Variants in LRRC37A2 observed in about 807,000 individuals in gnomAD.
The protein encoded by LRRC37A2 is leucine rich repeat containing 37 member A2, also known as leucine-rich repeat-containing protein 37A2.
LRRC37A2 carries 9 observed loss-of-function variants against 68.8 expected under a neutral mutation model. That is an observed-to-expected ratio of 0.13 (90% CI 0.08 to 0.23). LRRC37A2 has a LOEUF of 0.23. Ranked by LOEUF, LRRC37A2 falls within the 10% of genes least tolerant of loss-of-function variation. LRRC37A2 has a pLI of 1.00. For synonymous variants in LRRC37A2, 63 were observed against 367.6 expected (o/e 0.17, Z 9.48); for missense variants, 168 against 950.4 (o/e 0.18, Z 10.82).
chr17:46,778,165 C>T, the LRRC37A2 span, among the ~76,000 whole-genome samples: 3 of 152,170 alleles, frequency 2.0e-5, no homozygotes, highest in Admixed American at 2.0e-4. Context: ...TGCCTTGTCA[C>T]CAACCTCATT....
chr17:47,038,556 T>C, the LRRC37A2 span, among the ~76,000 whole-genome samples: 1 of 150,718 alleles, frequency 6.6e-6, no homozygotes, highest in East Asian at 1.9e-4. Flanking sequence ...TTTGTTTCAA[T>C]GGTATACAAA....
At chr17:46,960,715 A>T in the LRRC37A2 span, among the ~76,000 whole-genome samples, 2 of 152,250 alleles carry the variant, frequency 1.3e-5, no homozygotes, top group Non-Finnish European at 2.9e-5. Flanking sequence ...GTGTGAAACG[A>T]TATGGATGCA....
chr17:46,930,769 C>G, the LRRC37A2 span: 29 of 233,172 alleles, frequency 1.2e-4, no homozygotes, highest in Non-Finnish European at 2.0e-4. Flanking sequence ...AGACCTATAT[C>G]AGAAAATTTA....
At chr17:46,900,099 T>A in the LRRC37A2 span, among the ~76,000 whole-genome samples, 1 of 148,450 alleles carries the variant, frequency 6.7e-6, no homozygotes, top group Non-Finnish European at 1.5e-5. Context: ...TACTGTTAGA[T>A]GTAGTAGGAA....
chr17:46,879,656 G>C, the LRRC37A2 span, among the ~76,000 whole-genome samples: 5 of 152,236 alleles, frequency 3.3e-5, no homozygotes, highest in African/African-American at 1.2e-4. Flanking sequence ...TCACACCTAA[G>C]AGACTTGTTC....
At chr17:46,917,593 T>C in the LRRC37A2 span, among the ~76,000 whole-genome samples, 1 of 152,204 alleles carries the variant, frequency 6.6e-6, no homozygotes, top group East Asian at 1.9e-4. Context: ...AGGCTGGAGT[T>C]GCATACTGGT....
At chr17:46,870,070 C>A in the LRRC37A2 span, among the ~76,000 whole-genome samples, 2,197 of 152,160 alleles carry the variant, frequency 0.014, 60 homozygotes, top group African/African-American at 0.05. Context: ...ATAATCATAG[C>A]TATTATTCTT....
chr17:46,851,653 C>CGCGCTG, the LRRC37A2 span: 1 of 1,284,382 alleles, frequency 7.8e-7, no homozygotes, highest in East Asian at 3.2e-5. The surrounding 1 kb of genome is among the most constrained non-coding windows in gnomAD (Gnocchi z 4.3). Context: ...GCCCCCCGCC[C>CGCGCTG]GCGCTGGCCC....
chr17:46,942,016 TCCTA>T, the LRRC37A2 span: 1 of 934,690 alleles, frequency 1.1e-6, no homozygotes, highest in Non-Finnish European at 1.3e-6. Context: ...ACTGTTTATA[TCCTA>T]CCTTAGTCCA....
chr17:46,819,607 T>A, the LRRC37A2 span, among the ~76,000 whole-genome samples: 1 of 152,130 alleles, frequency 6.6e-6, no homozygotes, highest in Non-Finnish European at 1.5e-5. The surrounding 1 kb of genome is among the most constrained non-coding windows in gnomAD (Gnocchi z 5.3). Flanking sequence ...TTGGAAGACC[T>A]TGCTGCCCTC....
the LRRC37A2 span, among the ~76,000 whole-genome samples, chr17:46,958,769 A>T: frequency 6.6e-6 from 1 of 152,244 alleles, no homozygotes; most frequent in Admixed American, 6.5e-5. Context: ...GGGACATTTA[A>T]GTCTGCCTGA....
At chr17:46,974,987 CTTT>C in the LRRC37A2 span, among the ~76,000 whole-genome samples, 13 of 119,058 alleles carry the variant, frequency 1.1e-4, no homozygotes, top group Admixed American at 9.8e-4. Context: ...TTACTATTTT[CTTT>C]TTTTTTTTTT....
the LRRC37A2 span, among the ~76,000 whole-genome samples, chr17:46,772,545 C>T: frequency 6.6e-6 from 1 of 152,232 alleles, no homozygotes; most frequent in Non-Finnish European, 1.5e-5. Context: ...TGCAAACCGC[C>T]GCCACTTGGC....
the LRRC37A2 span, among the ~76,000 whole-genome samples, chr17:46,736,498 T>C: frequency 1.3e-5 from 2 of 152,352 alleles, no homozygotes; most frequent in Admixed American, 6.5e-5. Flanking sequence ...CTCCCTCTAC[T>C]CCTTACCCTG....
At chr17:47,024,576 G>C in the LRRC37A2 span, 3 of 811,168 alleles carry the variant, frequency 3.7e-6, no homozygotes, top group Admixed American at 5.1e-5. Context: ...CCACCATCTT[G>C]AAGTGACCAT....
chr17:46,902,579 C>T, the LRRC37A2 span, among the ~76,000 whole-genome samples: 1 of 151,520 alleles, frequency 6.6e-6, no homozygotes, highest in African/African-American at 2.4e-5. Flanking sequence ...AGTTTGTGGC[C>T]AAGCAGTCAG....
At chr17:46,497,583 TATA>T in the LRRC37A2 span, among the ~76,000 whole-genome samples, 3 of 150,126 alleles carry the variant, frequency 2.0e-5, no homozygotes, top group Non-Finnish European at 4.4e-5. Context: ...AGCCCCCCCT[TATA>T]ATTGTATATA....
At chr17:47,022,008 A>T in the LRRC37A2 span, 1 of 1,231,196 alleles carries the variant, frequency 8.1e-7, no homozygotes. Context: ...GGTACCTCTG[A>T]GGAAAGATAT....
At chr17:46,755,650 T>G in the LRRC37A2 span, 1 of 828,362 alleles carries the variant, frequency 1.2e-6, no homozygotes, top group South Asian at 1.8e-5. Flanking sequence ...GACCATTTTC[T>G]TTTGTGAAGT....
Sources: gnomAD v4.1 joint callset for allele counts (sites outside exome capture counted in the v4.1 genomes callset) on GRCh38, gnomAD v4.1.1 for gene constraint, Gnocchi (gnomAD v3.1) non-coding constraint, MANE v1.5 for transcripts, NCBI Gene and HGNC (gene_info 2026-07-23, HGNC 2026-07-21) for gene names.